TBC1D31: variants seen among roughly 807,000 people sequenced by gnomAD.
TBC1D31 encodes the protein TBC1 domain family member 31, also known as WD repeat domain 67.
A neutral mutation model predicts 132.9 loss-of-function variants in TBC1D31; 99 were observed. The observed-to-expected ratio is 0.74, with a 90% CI of 0.63 to 0.88. The LOEUF is 0.88. TBC1D31 is among the 40% of genes least tolerant of loss of function. The pLI, the probability that TBC1D31 is intolerant of heterozygous loss-of-function variation, is 0.00. For missense variants in TBC1D31, 1,134 were observed against 1,256.6 expected (o/e 0.90, Z 1.48); for synonymous variants, 385 against 419.4 (o/e 0.92, Z 1.00).
At chr8:123,073,536 G>A (rs1814149732) in intron 1 of TBC1D31, 2 of 375,270 alleles carry the variant, frequency 5.3e-6, no homozygotes, top group Non-Finnish European at 1.1e-5. Context: ...TTGAGGCTCA[G>A]CCTGTCTTGT....
chr8:123,129,304 C>A, intron 15 of TBC1D31, 86 bp downstream of exon 15: 3 of 928,382 alleles, frequency 3.2e-6, no homozygotes, highest in Non-Finnish European at 4.6e-6. Flanking sequence ...ATTTTAGAAA[C>A]AACATTATAT....
intron 17 of TBC1D31, among the ~76,000 whole-genome samples, chr8:123,139,816 A>C (rs1264961447): frequency 6.6e-6 from 1 of 152,132 alleles, no homozygotes; most frequent in Non-Finnish European, 1.5e-5. Flanking sequence ...TCTAAGATCT[A>C]CTGCCCCAAG....
intron 4 of TBC1D31, among the ~76,000 whole-genome samples, chr8:123,088,838 G>C (rs769434244): frequency 2.6e-5 from 4 of 152,094 alleles, no homozygotes; most frequent in Non-Finnish European, 5.9e-5. Flanking sequence ...AGATCAGACA[G>C]ACCAGTTATC....
At chr8:123,158,779 G>A in the TBC1D31 span, among the ~76,000 whole-genome samples, 1 of 152,220 alleles carries the variant, frequency 6.6e-6, no homozygotes, top group East Asian at 1.9e-4. Context: ...GGATGGGGGT[G>A]GGGCCTGCTC....
At chr8:123,146,156 AG>A (rs543050623) in intron 20 of TBC1D31, among the ~76,000 whole-genome samples, 121 of 152,254 alleles carry the variant, frequency 7.9e-4, no homozygotes, top group African/African-American at 2.8e-3. Flanking sequence ...AGGCGTGCCC[AG>A]CACCGCACGC....
chr8:123,151,638 T>C (rs1033155428), intron 21 of TBC1D31, among the ~76,000 whole-genome samples, 168 bp from the exon 22 acceptor site: 8 of 152,248 alleles, frequency 5.3e-5, no homozygotes, highest in African/African-American at 1.9e-4. Flanking sequence ...CAAATAATTA[T>C]TTGGCTTGTA....
chr8:123,080,927 C>T (rs1815088742), intron 2 of TBC1D31, among the ~76,000 whole-genome samples: 2 of 152,120 alleles, frequency 1.3e-5, no homozygotes, highest in Admixed American at 1.3e-4. Context: ...CATATTCTGC[C>T]ACCCTTCACT....
At chr8:123,119,655 G>A (rs900017375) in intron 10 of TBC1D31, among the ~76,000 whole-genome samples, 3 of 152,174 alleles carry the variant, frequency 2.0e-5, no homozygotes, top group African/African-American at 7.2e-5. Context: ...TAAGGCTGCA[G>A]TGAGCCATGA....
At chr8:123,087,106 A>C (rs1217453970) in intron 4 of TBC1D31, among the ~76,000 whole-genome samples, 1 of 152,196 alleles carries the variant, frequency 6.6e-6, no homozygotes, top group Non-Finnish European at 1.5e-5. Flanking sequence ...TTTCCTCTTC[A>C]AAGCTTTCTG....
At chr8:123,162,017 CAAAAAA>C in the TBC1D31 span, among the ~76,000 whole-genome samples, 2 of 76,116 alleles carry the variant, frequency 2.6e-5, no homozygotes, top group African/African-American at 1.0e-4. Flanking sequence ...GAGTCCGACT[CAAAAAA>C]AAAAAAAAAA....
At chr8:123,119,246 C>T (rs931967257) in intron 10 of TBC1D31, among the ~76,000 whole-genome samples, 1 of 152,120 alleles carries the variant, frequency 6.6e-6, no homozygotes, top group African/African-American at 2.4e-5. Context: ...CACTGACTTT[C>T]GAAATTGCAA....
chr8:123,161,283 G>A, the TBC1D31 span, among the ~76,000 whole-genome samples: 1 of 152,218 alleles, frequency 6.6e-6, no homozygotes, highest in African/African-American at 2.4e-5. Context: ...AGCCGGGTCG[G>A]AGGTCACCTA....
chr8:123,098,464 G>A (rs1463099705), intron 6 of TBC1D31, among the ~76,000 whole-genome samples: 1 of 152,142 alleles, frequency 6.6e-6, no homozygotes, highest in African/African-American at 2.4e-5. Flanking sequence ...ACCATGCCCA[G>A]CTAATTTTTG....
chr8:123,102,966 T>C (rs942320904), intron 7 of TBC1D31: 5 of 152,182 alleles, frequency 3.3e-5, no homozygotes, highest in Non-Finnish European at 5.9e-5. Flanking sequence ...CATTCAGGAA[T>C]GAGTTATAGT....
intron 20 of TBC1D31, among the ~76,000 whole-genome samples, chr8:123,145,709 A>AT (rs1455537129): frequency 2.7e-5 from 4 of 150,584 alleles, no homozygotes; most frequent in East Asian, 1.9e-4. Context: ...AAAAAAAAAG[A>AT]TTTCCAAAAA....
At chr8:123,106,602 A>G (rs1171618534) in intron 8 of TBC1D31, among the ~76,000 whole-genome samples, 1 of 152,212 alleles carries the variant, frequency 6.6e-6, no homozygotes, top group Admixed American at 6.5e-5. Flanking sequence ...ATCTTGGAAC[A>G]TTTCCTCGTC....
intron 11 of TBC1D31, chr8:123,123,171 G>C (rs1394716856): frequency 6.6e-6 from 1 of 152,228 alleles, no homozygotes; most frequent in Non-Finnish European, 1.5e-5. Context: ...GTGCAGATTT[G>C]CCAGGAGAAG....
At chr8:123,153,130 T>C (rs1177078467), downstream of TBC1D31, among the ~76,000 whole-genome samples, 1 of 152,218 alleles carries the variant, frequency 6.6e-6, no homozygotes, top group Non-Finnish European at 1.5e-5. Flanking sequence ...ACTGCAAACA[T>C]ATGCCTGCAT....
At chr8:123,140,255 G>C (rs1176494595) in intron 17 of TBC1D31, among the ~76,000 whole-genome samples, 2 of 152,186 alleles carry the variant, frequency 1.3e-5, no homozygotes, top group Non-Finnish European at 2.9e-5. Context: ...CCAGCTACTT[G>C]GGAGGCTGAG....
Sources: allele counts gnomAD v4.1 joint callset (sites outside exome capture counted in the v4.1 genomes callset), GRCh38; gene constraint gnomAD v4.1.1; transcripts MANE v1.5; gene names NCBI Gene and HGNC (gene_info 2026-07-23, HGNC 2026-07-21).